PRDM16: variants seen among roughly 807,000 people sequenced by gnomAD.
The protein encoded by PRDM16 is PR/SET domain 16.
A neutral mutation model predicts 110.6 loss-of-function variants in PRDM16; 23 were observed. The observed-to-expected ratio is 0.21, with a 90% CI of 0.15 to 0.29. The LOEUF is 0.29. Among genes scored for constraint, PRDM16 ranks in the 10% least tolerant of loss-of-function variants. The probability of loss-of-function intolerance (pLI) is 1.00; values close to 1 mark genes in which losing one functional copy is unlikely to be tolerated. For missense variants in PRDM16, 1,615 were observed against 1,794.3 expected, an observed-to-expected ratio of 0.90 and a Z score of 1.81; for synonymous variants, 799 against 781.8, an observed-to-expected ratio of 1.02 and a Z score of -0.37.
chr1:3,203,767 C>T (rs1035130701), intron 2 of PRDM16, among the ~76,000 whole-genome samples: 3 of 152,238 alleles, frequency 2.0e-5, no homozygotes, highest in African/African-American at 7.2e-5. Context: ...TAACTCATCA[C>T]ATCTCCCAAG....
In PRDM16 at chr1:3,175,439, C is replaced by A. The variant is rs1312271945; in HGVS notation, c.38-10686C>A. 2.6e-5 allele frequency among the ~76,000 whole-genome samples: 4 copies of A among 152,210 alleles called. No individual in the cohort carries two copies. The highest frequency in any genetic ancestry group is 4.8e-5 in the African/African-American group (2 of 41,450). On this transcript the variant is annotated intron_variant, in intron 1 of 16. Transcript: ENST00000270722. The surrounding 1 kb of genome is among the most constrained non-coding windows in gnomAD (Gnocchi z 4.8). The stretch of plus-strand genomic sequence containing the variant: ...CCACAACCACAGCCTGCCTGATGCG[C>A]CCACCTCTCCCTCTCCCTGTTTTGT...
chr1:3,433,995 G>A lies in PRDM16; in HGVS notation c.*184G>A, dbSNP rs1185537154. 8.0e-6 allele frequency: 5 copies of A among 626,892 alleles called. No homozygotes were observed. The Admixed American group carries it at 9.2e-5, about 12-fold the overall frequency. The allele number at this position is 626,892 out of a possible 1,614,324, so 38.8% of individuals were successfully genotyped here. On this transcript the variant is annotated 3_prime_UTR_variant, in exon 17 of 17. Transcript: ENST00000270722. ...GATCCCAAAAGTCCCTAAAGCAGTC[G>A]TAGAGTCTCACCATCTCCAAGGATT...
At chr1:3,291,254 C>A (rs1443673767) in intron 3 of PRDM16, among the ~76,000 whole-genome samples, 1 of 152,140 alleles carries the variant, frequency 6.6e-6, no homozygotes, top group Admixed American at 6.5e-5. Context: ...CCAGTCAGGG[C>A]GTTCCCAGGA....
chr1:3,409,840 T>TGGTGTGTGTATGTGCGTGTGTGA (rs1466291644), intron 8 of PRDM16, among the ~76,000 whole-genome samples: 1 of 135,628 alleles, frequency 7.4e-6, no homozygotes, highest in African/African-American at 2.8e-5. Flanking sequence ...TGTGGGTGTG[T>TGGTGTGTGTATGTGCGTGTGTGA]GGTGTGGGTG....
chr1:3,130,155 T>A (rs1226054301), intron 1 of PRDM16, among the ~76,000 whole-genome samples: 1 of 151,972 alleles, frequency 6.6e-6, no homozygotes, highest in Non-Finnish European at 1.5e-5. Context: ...AGTGAGGAAG[T>A]CTTGGGTCTT....
At chr1:3,421,649 G>C (rs1638433526) in intron 12 of PRDM16, among the ~76,000 whole-genome samples, 1 of 152,342 alleles carries the variant, frequency 6.6e-6, no homozygotes, top group East Asian at 1.9e-4. Context: ...GCACAGCCCT[G>C]TTCGTGGCTC....
chr1:3,107,522 G>GC (rs1191177019), intron 1 of PRDM16, among the ~76,000 whole-genome samples: 7 of 152,222 alleles, frequency 4.6e-5, no homozygotes. Context: ...CCGATGGGGA[G>GC]CCTGCGGATC....
chr1:3,118,720 CAG>C (rs200063040), intron 1 of PRDM16, among the ~76,000 whole-genome samples: 2,307 of 152,290 alleles, frequency 0.015, 53 homozygotes, highest in African/African-American at 0.045. Flanking sequence ...GACTTGATCT[CAG>C]CCTGGGGGCC....
intron 3 of PRDM16, among the ~76,000 whole-genome samples, chr1:3,287,794 CCCCCTG>C (rs1405705055): frequency 7.1e-6 from 1 of 141,020 alleles, no homozygotes; most frequent in Non-Finnish European, 1.6e-5. Context: ...GCTGGAGCCG[CCCCCTG>C]CCACGTGGGC....
chr1:3,433,526 C>G, intron 16 of PRDM16, 151 bp from the exon 17 acceptor site: 1 of 542,196 alleles, frequency 1.8e-6, no homozygotes, highest in Non-Finnish European at 3.2e-6. Flanking sequence ...GCTCACCTGC[C>G]TGTCTGGGAT....
At chr1:3,354,301 A>T (rs1642551308) in intron 3 of PRDM16, among the ~76,000 whole-genome samples, 1 of 152,040 alleles carries the variant, frequency 6.6e-6, no homozygotes, top group Non-Finnish European at 1.5e-5. Context: ...CTCTACTAAA[A>T]ATACAAAAAT....
chr1:3,137,785 G>T (rs1643470665), intron 1 of PRDM16, among the ~76,000 whole-genome samples: 1 of 152,266 alleles, frequency 6.6e-6, no homozygotes, highest in South Asian at 2.1e-4. Flanking sequence ...GGAGCGCACT[G>T]CAAGCTGGAG....
intron 3 of PRDM16, among the ~76,000 whole-genome samples, chr1:3,325,884 C>T: frequency 6.6e-6 from 1 of 151,612 alleles, no homozygotes; most frequent in African/African-American, 2.4e-5. Flanking sequence ...CATGACCATT[C>T]TTGGCCATCC....
intron 1 of PRDM16, among the ~76,000 whole-genome samples, chr1:3,150,957 CGGG>C (rs770326214): frequency 1.6e-5 from 1 of 63,658 alleles, no homozygotes; most frequent in African/African-American, 7.7e-5. Context: ...GCTATGGAAA[CGGG>C]GGGCTGGTCC....
At position 3,290,931 on chromosome 1, in the gene PRDM16, C is replaced by T. The variant is rs569194960; in HGVS notation, c.438+46794C>T. On this transcript the variant is annotated intron_variant, in intron 3 of 16. Transcript: ENST00000270722. The surrounding 1 kb of genome is among the most constrained non-coding windows in gnomAD (Gnocchi z 4.8). ...TAGTGGTGCAGAAATCCATACTCATCATTCATCGGGGGCCTTATTAACCTT... is the reference window on the plus strand; with the variant it reads ...TAGTGGTGCAGAAATCCATACTCATTATTCATCGGGGGCCTTATTAACCTT... Among the ~76,000 whole-genome samples the T allele has an allele frequency of 6.6e-6, 1 of 152,048 alleles. No individual in the cohort carries two copies. Among genetic ancestry groups the T allele is most frequent in the Non-Finnish European group, 1.5e-5 (1 of 68,014 alleles).
intron 1 of PRDM16, among the ~76,000 whole-genome samples, chr1:3,100,588 C>T (rs1367313242): frequency 2.0e-5 from 3 of 152,152 alleles, no homozygotes; most frequent in Non-Finnish European, 2.9e-5. Context: ...CCAGGCACGG[C>T]CCATGGTCCT....
intron 3 of PRDM16, among the ~76,000 whole-genome samples, chr1:3,296,766 G>T (rs1641098198): frequency 6.6e-6 from 1 of 152,230 alleles, no homozygotes; most frequent in East Asian, 1.9e-4. Context: ...TCTTTTCGTG[G>T]AACTCTCGTG....
intron 3 of PRDM16, among the ~76,000 whole-genome samples, chr1:3,351,094 C>T (rs1450572809): frequency 1.3e-5 from 2 of 152,168 alleles, no homozygotes; most frequent in Non-Finnish European, 2.9e-5. Flanking sequence ...GCCGCTGGCT[C>T]GCTGGGCCAG....
At chr1:3,252,383 AG>A (rs78912540) in intron 3 of PRDM16, among the ~76,000 whole-genome samples, 79,908 of 151,950 alleles carry the variant, frequency 0.53, 25,058 homozygotes, top group Non-Finnish European at 0.69. Context: ...CCTCAAATAG[AG>A]GGGGGATCTT....
Sources: gnomAD v4.1 joint callset for allele counts (sites outside exome capture counted in the v4.1 genomes callset) on GRCh38, gnomAD v4.1.1 for gene constraint, Gnocchi (gnomAD v3.1) non-coding constraint, MANE v1.5 for transcripts, NCBI Gene and HGNC (gene_info 2026-07-23, HGNC 2026-07-21) for gene names.